CASR: variants seen among roughly 807,000 people sequenced by gnomAD.
The protein encoded by CASR is calcium sensing receptor.
Under a neutral mutation model 69.1 loss-of-function variants are expected in CASR, and 23 were observed. The ratio of observed to expected loss-of-function variants is 0.33; its 90% CI spans 0.24 to 0.47. The LOEUF is 0.47. CASR is among the 20% of genes least tolerant of loss of function. CASR has a pLI of 1.00. For missense variants in CASR, 924 were observed against 1,356.1 expected (o/e 0.68, Z 5.00); for synonymous variants, 541 against 544.7 (o/e 0.99, Z 0.10).
intron 1 of CASR, among the ~76,000 whole-genome samples, chr3:122,217,790 A>G (rs1000448860): frequency 6.6e-6 from 1 of 152,220 alleles, no homozygotes; most frequent in Non-Finnish European, 1.5e-5. Context: ...AATTTCAGGT[A>G]CTTAGCATAG....
At chr3:122,227,605 A>G (rs1053166636) in intron 1 of CASR, among the ~76,000 whole-genome samples, 9 of 152,192 alleles carry the variant, frequency 5.9e-5, no homozygotes, top group Admixed American at 6.5e-5. Context: ...AGCCTTGGCC[A>G]GCCCAGAAAG....
At chr3:122,246,208 C>A (rs1264039430) in intron 1 of CASR, among the ~76,000 whole-genome samples, 1 of 152,198 alleles carries the variant, frequency 6.6e-6, no homozygotes, top group African/African-American at 2.4e-5. Flanking sequence ...GCAAGAATGA[C>A]TTTTCCAGAC....
Position 122,275,824 on chromosome 3 carries a change from C to T in CASR, c.1390C>T (p.Leu464=). ...TGCTCCTCTTTAGGTCCTGAAGCAC[C>T]TACGGCATCTAAACTTTACAAACAA... is the stretch of plus-strand genomic sequence containing the variant. ...KVEAWQVLKH[L]RHLNFTNNMG... Residue 464 remains leucine, a synonymous_variant, in exon 5 of 7, where the codon CTA becomes TTA. Transcript: ENST00000639785. 1 of 1,613,268 alleles carries T rather than the reference C, an allele frequency of 6.2e-7. No individual in the cohort carries two copies. The highest frequency in any genetic ancestry group is 8.5e-7 in the Non-Finnish European group (1 of 1,179,252).
intron 1 of CASR, among the ~76,000 whole-genome samples, chr3:122,209,253 A>G (rs532345584): frequency 1.2e-4 from 19 of 152,208 alleles, no homozygotes; most frequent in Non-Finnish European, 2.5e-4. Flanking sequence ...CACACTAAAA[A>G]AAAGCCCAGG....
chr3:122,222,325 T>A (rs1277632246), intron 1 of CASR, among the ~76,000 whole-genome samples: 1 of 152,170 alleles, frequency 6.6e-6, no homozygotes, highest in African/African-American at 2.4e-5. Flanking sequence ...GCAGCTTGCC[T>A]ATACCTCTTC....
intron 1 of CASR, among the ~76,000 whole-genome samples, chr3:122,223,320 A>G (rs779001085): frequency 6.6e-6 from 1 of 152,192 alleles, no homozygotes; most frequent in Non-Finnish European, 1.5e-5. Flanking sequence ...TTAATAAAGA[A>G]AAAAGAGAAG....
intron 1 of CASR, among the ~76,000 whole-genome samples, chr3:122,188,480 C>T (rs1033195538): frequency 5.3e-5 from 8 of 150,936 alleles, no homozygotes; most frequent in Non-Finnish European, 1.0e-4. Context: ...TGCTTGTATA[C>T]AGAGAACTTC....
At position 122,286,028 on chromosome 3, in the gene CASR, C is replaced by T. The variant is rs2074965839; in HGVS notation, c.*837C>T. 6.6e-6 allele frequency: 1 copy of T among 152,640 alleles called. No homozygotes were observed. The highest frequency in any genetic ancestry group is 1.5e-5 in the Non-Finnish European group (1 of 68,058). 9.5% of individuals were successfully genotyped at this position (152,640 alleles called of 1,614,324 possible). A position where few individuals can be genotyped will look rare whatever the true frequency, so the allele number is the denominator to read the frequency against. On this transcript the variant is annotated 3_prime_UTR_variant, in exon 7 of 7. Transcript: ENST00000639785. ...CTATCCTCACTCCCATAAGCTAAGC[C>T]TTATGTGAGCCCCTTCAGGGACTCA...
chr3:122,275,281 G>T (rs546300284), intron 4 of CASR, among the ~76,000 whole-genome samples: 2 of 152,154 alleles, frequency 1.3e-5, no homozygotes, highest in Non-Finnish European at 2.9e-5. Context: ...AATAATGGCC[G>T]GGCTTTGCCC....
At chr3:122,254,420 T>C in intron 2 of CASR, 46 bp downstream of exon 2, 2 of 1,582,438 alleles carry the variant, frequency 1.3e-6, no homozygotes, top group Non-Finnish European at 8.7e-7. Flanking sequence ...TTCTGAGTGG[T>C]TGGAGAAAAG....
chr3:122,290,681 A>G lies in CASR; in HGVS notation c.*5490A>G, dbSNP rs2075005399. 6.6e-6 allele frequency: 1 copy of G among 152,172 alleles called. No individual in the cohort carries two copies. The highest frequency in any genetic ancestry group is 1.5e-5 in the Non-Finnish European group (1 of 68,008). 9.4% of individuals were successfully genotyped at this position (152,172 alleles called of 1,614,324 possible). A position where few individuals can be genotyped will look rare whatever the true frequency, so the allele number is the denominator to read the frequency against. The stretch of plus-strand genomic sequence containing the variant: ...AACAGATAAGTATATCATATTAGAT[A>G]GGAATCACCATACTGGGTCAGTCAC... On this transcript the variant is annotated 3_prime_UTR_variant, in exon 7 of 7. Coordinates refer to ENST00000639785, the MANE Select transcript of CASR (RefSeq NM_000388.4).
At chr3:122,211,036 T>A (rs2074060167) in intron 1 of CASR, among the ~76,000 whole-genome samples, 2 of 152,246 alleles carry the variant, frequency 1.3e-5, no homozygotes, top group Non-Finnish European at 1.5e-5. Flanking sequence ...GCTAGCCATA[T>A]GCAGAAAGTT....
At chr3:122,261,155 G>A (rs1392111031) in intron 3 of CASR, among the ~76,000 whole-genome samples, 1 of 152,224 alleles carries the variant, frequency 6.6e-6, no homozygotes, top group Non-Finnish European at 1.5e-5. Flanking sequence ...TATAACCAAT[G>A]AGGCAGCACA....
intron 1 of CASR, among the ~76,000 whole-genome samples, chr3:122,214,493 C>T (rs1252987069): frequency 6.6e-6 from 1 of 152,112 alleles, no homozygotes; most frequent in East Asian, 1.9e-4. Context: ...TCTCTTAGTT[C>T]AGAAGGCGTA....
At chr3:122,248,303 A>C (rs1025016108) in intron 1 of CASR, among the ~76,000 whole-genome samples, 4 of 152,218 alleles carry the variant, frequency 2.6e-5, no homozygotes, top group African/African-American at 9.6e-5. Flanking sequence ...CATATTGTGG[A>C]TGTCTCTTCA....
intron 1 of CASR, chr3:122,246,821 G>A (rs2074432766): frequency 6.6e-6 from 1 of 152,290 alleles, no homozygotes; most frequent in East Asian, 1.9e-4. Flanking sequence ...GTGAGGTCAG[G>A]AGAGTTGCAA....
intron 1 of CASR, among the ~76,000 whole-genome samples, chr3:122,251,524 C>A (rs2074483145): frequency 6.6e-6 from 1 of 152,342 alleles, no homozygotes. Context: ...ACAGTTCACC[C>A]AGACATGCCC....
chr3:122,284,270 C>T lies in CASR; in HGVS notation c.2316C>T (p.Ala772=), dbSNP rs1576877811. ...CGTGCCACGAGGGCTCCCTCATGGC[C>T]CTGGGCTTCCTGATCGGCTACACCT... The part of the protein sequence containing the change: ...FITCHEGSLM[A]LGFLIGYTCL... Residue 772 remains alanine (A), a synonymous_variant, in exon 7 of 7, where the codon GCC becomes GCT. Coordinates refer to ENST00000639785, the MANE Select transcript of CASR (RefSeq NM_000388.4). 1 of 1,614,084 alleles carries T rather than the reference C, an allele frequency of 6.2e-7. No individual in the cohort carries two copies.
intron 5 of CASR, among the ~76,000 whole-genome samples, chr3:122,278,890 T>C (rs2074853804): frequency 6.6e-6 from 1 of 152,198 alleles, no homozygotes; most frequent in Non-Finnish European, 1.5e-5. Flanking sequence ...GCCCTCGTTA[T>C]TTATACTCCT....
Sources: gnomAD v4.1 joint callset for allele counts (sites outside exome capture counted in the v4.1 genomes callset) on GRCh38, gnomAD v4.1.1 for gene constraint, MANE v1.5 for transcripts, NCBI Gene and HGNC (gene_info 2026-07-23, HGNC 2026-07-21) for gene names.